ITIH2: variants seen among roughly 807,000 people sequenced by gnomAD.
ITIH2 encodes inter-alpha-trypsin inhibitor heavy chain 2.
In ITIH2, 103 loss-of-function variants were observed where a neutral mutation model predicts 104.4. The ratio of observed to expected loss-of-function variants is 0.99; its 90% confidence interval spans 0.84 to 1.16. ITIH2 has a LOEUF of 1.16. Ranked by LOEUF, ITIH2 falls within the 50% of genes most tolerant of loss-of-function variation. The probability of loss-of-function intolerance (pLI) is 0.00; values close to 1 mark genes in which losing one functional copy is unlikely to be tolerated. For synonymous variants in ITIH2, 436 were observed against 435.4 expected (o/e 1.00, Z -0.02); for missense variants, 1,108 against 1,162.4 (o/e 0.95, Z 0.68).
Position 7,738,665 on chromosome 10 carries a change from T to A in ITIH2, c.2002T>A (p.Ser668Thr). Residue 668 changes from serine (S) to threonine (T), a missense_variant, in exon 16 of 21, where the codon TCT becomes ACT. Physicochemically the swap from Ser to Thr is moderately conservative, Grantham distance 58. Coordinates refer to ENST00000358415, the MANE Select transcript of ITIH2 (RefSeq NM_002216.3). Reference sequence around the variant, plus strand: ...CAAAGTGGTTCCAGATTCCACCCCGTCTTGGGCCAATCCTTCACCAACGCC... The same window carrying A: ...CAAAGTGGTTCCAGATTCCACCCCGACTTGGGCCAATCCTTCACCAACGCC... ...GSKVVPDSTP[S>T]WANPSPTPVI... The A allele has an allele frequency of 6.2e-7, 1 of 1,613,900 alleles. No homozygotes were observed. Among genetic ancestry groups the A allele is most frequent in the Admixed American group, 1.7e-5 (1 of 60,002 alleles).
At chr10:7,733,219 T>C (rs1487566190) in intron 14 of ITIH2, among the ~76,000 whole-genome samples, 1 of 152,160 alleles carries the variant, frequency 6.6e-6, no homozygotes, top group Non-Finnish European at 1.5e-5. Context: ...TCATGCAATC[T>C]GTATTCCTCT....
chr10:7,743,978 T>C, intron 17 of ITIH2, 104 bp from the exon 18 acceptor site: 1 of 716,362 alleles, frequency 1.4e-6, no homozygotes, highest in Non-Finnish European at 2.2e-6. Flanking sequence ...AAAATTATAA[T>C]AATTTTCCAA....
chr10:7,726,958 A>C lies in ITIH2; in HGVS notation c.993A>C (p.Glu331Asp). 6.2e-7 allele frequency: 1 copy of C among 1,609,452 alleles called. No homozygotes were observed. The highest frequency in any genetic ancestry group is 1.1e-5 in the South Asian group (1 of 90,168). Residue 331 changes from glutamate (E) to aspartate (D), a missense_variant, in exon 10 of 21, where the codon GAA (glutamate) becomes GAC (aspartate). Physicochemically the swap from Glu to Asp is conservative, Grantham distance 45. Coordinates refer to ENST00000358415, the MANE Select transcript of ITIH2 (RefSeq NM_002216.3). ...ATTCTCTATTGAAATAGACTGTGGAAGCAATGAAGACCATATTGGATGACC... is the reference window on the plus strand; with the variant it reads ...ATTCTCTATTGAAATAGACTGTGGACGCAATGAAGACCATATTGGATGACC... ...MWGVKMKQTV[E>D]AMKTILDDLR...
intron 5 of ITIH2, among the ~76,000 whole-genome samples, chr10:7,715,523 C>G (rs1205587916): frequency 2.0e-5 from 3 of 152,140 alleles, no homozygotes; most frequent in Non-Finnish European, 4.4e-5. Flanking sequence ...CTACCAGAAA[C>G]TCTTCTAGGC....
intron 11 of ITIH2, among the ~76,000 whole-genome samples, chr10:7,728,378 T>C (rs762380534): frequency 6.6e-6 from 1 of 152,024 alleles, no homozygotes; most frequent in Non-Finnish European, 1.5e-5. Flanking sequence ...TTTGTTACAT[T>C]AGTTTATTTT....
intron 4 of ITIH2, 142 bp downstream of exon 4, chr10:7,709,333 A>G: frequency 1.4e-6 from 1 of 701,016 alleles, no homozygotes; most frequent in Non-Finnish European, 2.4e-6. Context: ...GTTGGTCCCA[A>G]TAATTTTCTC....
Position 7,707,204 on chromosome 10 carries a change from A to T in ITIH2, c.163A>T (p.Ser55Cys). The change falls in exon 3 of 21, where the codon AGC becomes TGC. Residue 55 changes from serine to cysteine, a missense_variant. Ser to Cys is a moderately radical substitution (Grantham distance 112). Coordinates refer to ENST00000358415, the MANE Select transcript of ITIH2 (RefSeq NM_002216.3). ...ATTGTCTAACTTCCTTTCACAGAGA[A>T]GCCTTCCAGGAGAATCGGAAGAAAT... is the stretch of plus-strand genomic sequence containing the variant. ...LVAENRRYQR[S>C]LPGESEEMME... 6.2e-7 allele frequency: 1 copy of T among 1,602,654 alleles called. No individual in the cohort carries two copies. The highest frequency in any genetic ancestry group is 8.5e-7 in the Non-Finnish European group (1 of 1,171,120).
At chr10:7,709,918 A>T (rs1834781031) in intron 4 of ITIH2, among the ~76,000 whole-genome samples, 1 of 151,978 alleles carries the variant, frequency 6.6e-6, no homozygotes, top group Non-Finnish European at 1.5e-5. Context: ...CAGTGGCGTG[A>T]TCTCGGCTCA....
At chr10:7,709,297 G>T in intron 4 of ITIH2, 106 bp downstream of exon 4, 1 of 984,166 alleles carries the variant, frequency 1.0e-6, no homozygotes, top group Non-Finnish European at 1.6e-6. Context: ...CCAGAGGACC[G>T]GCTGGATGTC....
chr10:7,738,233 T>C (rs1319378056), intron 15 of ITIH2, among the ~76,000 whole-genome samples: 74 of 113,900 alleles, frequency 6.5e-4, no homozygotes, highest in African/African-American at 2.5e-3. Context: ...TAATATTATA[T>C]ATTATATTCT....
intron 7 of ITIH2, 98 bp from the exon 8 acceptor site, chr10:7,721,551 A>C: frequency 1.8e-6 from 2 of 1,126,168 alleles, no homozygotes; most frequent in Non-Finnish European, 2.5e-6. Context: ...CAGAACGTCC[A>C]TTGGGCAGCT....
At chr10:7,712,601 T>C (rs1834806306) in intron 4 of ITIH2, among the ~76,000 whole-genome samples, 2 of 152,100 alleles carry the variant, frequency 1.3e-5, no homozygotes, top group Middle Eastern at 3.4e-3. Context: ...AATTCAAAGA[T>C]GAGGAAAAAT....
At chr10:7,726,860 A>T in intron 9 of ITIH2, 90 bp from the exon 10 acceptor site, 1 of 1,140,078 alleles carries the variant, frequency 8.8e-7, no homozygotes, top group Non-Finnish European at 1.2e-6. Flanking sequence ...AGAACTTGAA[A>T]GATGACCAGG....
chr10:7,717,550 T>C, intron 5 of ITIH2, 76 bp from the exon 6 acceptor site: 11 of 1,388,854 alleles, frequency 7.9e-6, no homozygotes, highest in Non-Finnish European at 1.1e-5. Flanking sequence ...AAATTCTACA[T>C]GCCCTCTGCC....
At chr10:7,704,653 C>T (rs1834727968) in intron 1 of ITIH2, among the ~76,000 whole-genome samples, 1 of 152,204 alleles carries the variant, frequency 6.6e-6, no homozygotes, top group Non-Finnish European at 1.5e-5. Flanking sequence ...TCCATTTGGA[C>T]ACCTCTGAGA....
chr10:7,746,481 C>A, intron 19 of ITIH2, 112 bp from the exon 20 acceptor site: 2 of 696,326 alleles, frequency 2.9e-6, no homozygotes, highest in Non-Finnish European at 2.5e-6. Flanking sequence ...GCTTGTCTTT[C>A]CACCCTAGAA....
intron 4 of ITIH2, among the ~76,000 whole-genome samples, chr10:7,711,714 G>A (rs1834798380): frequency 6.6e-6 from 1 of 152,130 alleles, no homozygotes. Context: ...GTTGGCATTT[G>A]GGGCAGGAAA....
intron 4 of ITIH2, among the ~76,000 whole-genome samples, chr10:7,710,564 T>G (rs1834787837): frequency 6.6e-6 from 1 of 152,214 alleles, no homozygotes; most frequent in Admixed American, 6.5e-5. Context: ...GAATTACTTC[T>G]CATCCACTTT....
intron 11 of ITIH2, 94 bp downstream of exon 11, chr10:7,727,922 C>T (rs774070457): frequency 8.7e-5 from 122 of 1,399,700 alleles, no homozygotes; most frequent in Non-Finnish European, 1.2e-4. Flanking sequence ...ATGGCATTTG[C>T]CTGAGTTTCT....
Sources: gnomAD v4.1 joint callset for allele counts (sites outside exome capture counted in the v4.1 genomes callset) on GRCh38, gnomAD v4.1.1 for gene constraint, MANE v1.5 for transcripts, NCBI Gene and HGNC (gene_info 2026-07-23, HGNC 2026-07-21) for gene names.